Variants in ABCB11 observed in about 807,000 individuals in gnomAD.
ABCB11 encodes the protein bile salt export pump.
In ABCB11, 95 loss-of-function variants were observed where a neutral mutation model predicts 148.0. That is an observed-to-expected ratio of 0.64 (90% CI 0.54 to 0.76). ABCB11 has a LOEUF of 0.76. ABCB11 is among the 30% of genes least tolerant of loss of function. The pLI, the probability that ABCB11 is intolerant of heterozygous loss-of-function variation, is 0.00. For missense variants in ABCB11, 1,523 were observed against 1,617.8 expected (o/e 0.94, Z 1.01); for synonymous variants, 591 against 555.4 (o/e 1.06, Z -0.90).
At chr2:169,004,585 T>G (rs1558921946) in intron 5 of ABCB11, among the ~76,000 whole-genome samples, 1 of 152,216 alleles carries the variant, frequency 6.6e-6, no homozygotes, top group Non-Finnish European at 1.5e-5. Context: ...TGTATCATGT[T>G]TTTTATTTCC....
In ABCB11 at chr2:168,995,357, T is replaced by C. The variant is rs1558915941; in HGVS notation, c.603A>G (p.Arg201=). The C allele has an allele frequency of 1.2e-6, 2 of 1,611,946 alleles. No individual in the cohort carries two copies. Among genetic ancestry groups the C allele is most frequent in the East Asian group, 2.2e-5 (1 of 44,814 alleles). ...TTTTACCAGCTACTTACTCAGAGAATCTTGTATTCAGCTCCCCCACTGAAT... is the reference window on the plus strand; with the variant it reads ...TTTTACCAGCTACTTACTCAGAGAACCTTGTATTCAGCTCCCCCACTGAAT... ...DCNSVGELNT[R]FSDDINKIND... is the part of the protein sequence containing the mutation. The change falls in exon 7 of 28, where the codon AGA becomes AGG. Residue 201 remains arginine, a synonymous_variant. Coordinates refer to ENST00000650372, the MANE Select transcript of ABCB11 (RefSeq NM_003742.4).
chr2:169,002,003 C>G (rs1011644146), intron 5 of ABCB11, among the ~76,000 whole-genome samples: 5 of 152,098 alleles, frequency 3.3e-5, no homozygotes, highest in African/African-American at 1.2e-4. Flanking sequence ...CAAGATCCAA[C>G]TATGTACTGT....
intron 19 of ABCB11, among the ~76,000 whole-genome samples, chr2:168,956,255 T>A (rs1692786453): frequency 1.3e-5 from 2 of 151,452 alleles, no homozygotes. Context: ...ATGATCCAAT[T>A]ACCTCCCACC....
Position 168,932,490 on chromosome 2 carries a change from C to T in ABCB11, c.3100G>A (p.Ala1034Thr). ...GCATAACTTGGGGTGTAAGAGAAGGCTCTTCCAAGAGCTGTTGCACTCAGT... is the reference window on the plus strand; with the variant it reads ...GCATAACTTGGGGTGTAAGAGAAGGTTCTTCCAAGAGCTGTTGCACTCAGT... ...VVLSATALGRAFSYTPSYAKA... is the reference protein window; with the variant it reads ...VVLSATALGRTFSYTPSYAKA... Residue 1034 changes from alanine (A) to threonine (T), a missense_variant, in exon 24 of 28, where the codon GCC becomes ACC. Coordinates refer to ENST00000650372, the MANE Select transcript of ABCB11 (RefSeq NM_003742.4). 6.2e-7 allele frequency: 1 copy of T among 1,613,640 alleles called. No homozygotes were observed. The highest frequency in any genetic ancestry group is 8.5e-7 in the Non-Finnish European group (1 of 1,179,762).
At chr2:169,029,724 C>CTTTTTTTTTTTTTTTT (rs1166356679) in intron 1 of ABCB11, among the ~76,000 whole-genome samples, 3 of 88,302 alleles carry the variant, frequency 3.4e-5, no homozygotes, top group African/African-American at 1.7e-4. Flanking sequence ...GTTCTTTCCT[C>CTTTTTTTTTTTTTTTT]TTTTTTTTTT....
intron 12 of ABCB11, among the ~76,000 whole-genome samples, chr2:168,974,245 C>G (rs1178662516): frequency 1.3e-5 from 2 of 151,954 alleles, no homozygotes; most frequent in African/African-American, 2.4e-5. Context: ...TACTAATTTA[C>G]TGATCATGGA....
In ABCB11 at chr2:168,944,646, A is replaced by G. The variant is rs765638545; in HGVS notation, c.2569T>C (p.Leu857=). The part of the protein sequence containing the change: ...FDDLRNSPGA[L]TTRLATDASQ... ...GCATCTGTAGCAAGTCTTGTTGTCA[A>G]TGCTCCAGGGCTATTTCTGAGGTCA... The change falls in exon 21 of 28, where the codon TTG becomes CTG. Residue 857 remains leucine (L), a synonymous_variant. Transcript: ENST00000650372. 19 of 1,611,444 alleles carry G rather than the reference A, an allele frequency of 1.2e-5. No individual in the cohort carries two copies. Among genetic ancestry groups the G allele is most frequent in the Admixed American group, 5.0e-5 (3 of 59,714 alleles).
intron 10 of ABCB11, among the ~76,000 whole-genome samples, chr2:168,983,587 A>G (rs1230027115): frequency 6.6e-6 from 1 of 152,212 alleles, no homozygotes; most frequent in African/African-American, 2.4e-5. Context: ...GATAAACTGA[A>G]TTGAAAAAGT....
chr2:168,988,174 C>T (rs1475196283), intron 9 of ABCB11, among the ~76,000 whole-genome samples: 1 of 152,090 alleles, frequency 6.6e-6, no homozygotes, highest in Admixed American at 6.6e-5. Context: ...AAAACAACTA[C>T]AATTAGATAA....
intron 9 of ABCB11, among the ~76,000 whole-genome samples, chr2:168,989,779 T>C (rs1242219525): frequency 6.6e-6 from 1 of 152,232 alleles, no homozygotes; most frequent in East Asian, 1.9e-4. Context: ...TTGAGGTACA[T>C]TCTTTTTATA....
chr2:169,027,642 T>TA (rs1695740434), intron 1 of ABCB11, among the ~76,000 whole-genome samples: 1 of 152,084 alleles, frequency 6.6e-6, no homozygotes, highest in African/African-American at 2.4e-5. Context: ...TGACTGACCT[T>TA]AAAAATGGGC....
chr2:168,960,259 G>A (rs1011695273), intron 18 of ABCB11, among the ~76,000 whole-genome samples: 1 of 151,630 alleles, frequency 6.6e-6, no homozygotes, highest in African/African-American at 2.4e-5. Context: ...GAACTCCAAG[G>A]CTCCTCTCAC....
chr2:169,023,144 A>G (rs1486491431), intron 1 of ABCB11, among the ~76,000 whole-genome samples: 1 of 152,218 alleles, frequency 6.6e-6, no homozygotes, highest in African/African-American at 2.4e-5. Context: ...GACTTTGGAT[A>G]GCAATTTGGA....
chr2:168,945,810 T>G (rs1008067317), intron 19 of ABCB11, among the ~76,000 whole-genome samples: 9 of 151,824 alleles, frequency 5.9e-5, no homozygotes, highest in African/African-American at 2.2e-4. Context: ...GGTTAATTAG[T>G]TTTATAGACT....
In ABCB11 at chr2:168,995,432, T is replaced by C; in HGVS notation, c.528A>G (p.Lys176=). 6.2e-7 allele frequency: 1 copy of C among 1,612,234 alleles called. No individual in the cohort carries two copies. Among genetic ancestry groups the C allele is most frequent in the Non-Finnish European group, 8.5e-7 (1 of 1,178,944 alleles). ...TTCTCATTATTCTCCTAAAGTAAAA[T>C]TTTCTCATTTTCTGTATCTGACGAG... ...AAARQIQKMR[K]FYFRRIMRME... Residue 176 remains lysine (K), a synonymous_variant, in exon 7 of 28, where the codon AAA becomes AAG. Transcript: ENST00000650372.
intron 1 of ABCB11, among the ~76,000 whole-genome samples, chr2:169,020,543 G>A (rs1006746101): frequency 6.6e-6 from 1 of 152,082 alleles, no homozygotes; most frequent in Admixed American, 6.6e-5. Flanking sequence ...CAGTAATTAC[G>A]GTAAATGTAT....
chr2:168,930,065 C>T (rs922344066), intron 25 of ABCB11, among the ~76,000 whole-genome samples: 1 of 151,808 alleles, frequency 6.6e-6, no homozygotes, highest in African/African-American at 2.4e-5. Context: ...GATTTTGTGA[C>T]CTTCTGCATA....
chr2:168,952,237 C>T, intron 19 of ABCB11, among the ~76,000 whole-genome samples: 1 of 151,566 alleles, frequency 6.6e-6, no homozygotes. Context: ...TGATATTGGC[C>T]TTGTAGAATG....
chr2:169,024,695 AG>A (rs1695641765), intron 1 of ABCB11, among the ~76,000 whole-genome samples: 1 of 152,094 alleles, frequency 6.6e-6, no homozygotes, highest in Admixed American at 6.6e-5. Flanking sequence ...TAGGATACCA[AG>A]TTTATAATGT....
Sources: gnomAD v4.1 joint callset for allele counts (sites outside exome capture counted in the v4.1 genomes callset) on GRCh38, gnomAD v4.1.1 for gene constraint, MANE v1.5 for transcripts, NCBI Gene and HGNC (gene_info 2026-07-23, HGNC 2026-07-21) for gene names.